EYS: variants seen among roughly 807,000 people sequenced by gnomAD.
EYS encodes protein eyes shut homolog.
A neutral mutation model predicts 282.1 loss-of-function variants in EYS; 250 were observed. That is an observed-to-expected ratio of 0.89 (90% CI 0.80 to 0.98). The LOEUF (loss-of-function observed/expected upper bound fraction) is 0.98. Among genes scored for constraint, EYS ranks in the 50% least tolerant of loss-of-function variants. The pLI is 0.00. For missense variants in EYS, 4,016 were observed against 3,709.0 expected (o/e 1.08, Z -2.15); for synonymous variants, 1,355 against 1,282.9 (o/e 1.06, Z -1.20).
chr6:64,655,176 C>T lies in EYS; in HGVS notation c.3444-28931G>A, dbSNP rs184755831. Among the ~76,000 whole-genome samples, 444 of 152,300 alleles carry T rather than the reference C, an allele frequency of 2.9e-3. 6 individuals are homozygous for T. The highest frequency in any genetic ancestry group is 0.027 in the Admixed American group (405 of 15,276). The stretch of plus-strand genomic sequence containing the variant: ...ATCAAGGACAGCTATAAAATTCAAA[C>T]ATCTTTAGACCTGCCAGAAATTTTT... On this transcript the variant is annotated intron_variant, in intron 22 of 42. Transcript: ENST00000503581.
chr6:64,663,879 G>T (rs1769133944), intron 22 of EYS, among the ~76,000 whole-genome samples: 1 of 152,096 alleles, frequency 6.6e-6, no homozygotes, highest in Non-Finnish European at 1.5e-5. Context: ...AGAAGCCCTG[G>T]GTCACGGAAG....
chr6:65,241,799 A>G lies in EYS; in HGVS notation c.2023+54064T>C, dbSNP rs138515524. On this transcript the variant is annotated intron_variant, in intron 12 of 42. Transcript: ENST00000503581. Reference sequence around the variant, plus strand: ...TGCTTGGACAGAGAAAGAGTAAATCAGGTGTTAGCTTGTACTTTAGGGATT... The same window carrying G: ...TGCTTGGACAGAGAAAGAGTAAATCGGGTGTTAGCTTGTACTTTAGGGATT... 9.3e-4 allele frequency among the ~76,000 whole-genome samples: 142 copies of G among 152,218 alleles called. 1 individual carries two copies. The highest frequency in any genetic ancestry group is 3.2e-3 in the African/African-American group (135 of 41,574).
chr6:64,523,308 T>A (rs186634759), intron 26 of EYS, among the ~76,000 whole-genome samples: 2 of 151,916 alleles, frequency 1.3e-5, no homozygotes, highest in Admixed American at 1.3e-4. Flanking sequence ...TTCTTCACAC[T>A]TTTTACCTGA....
intron 22 of EYS, among the ~76,000 whole-genome samples, chr6:64,770,529 T>C (rs1347798071): frequency 6.6e-6 from 1 of 151,916 alleles, no homozygotes; most frequent in Non-Finnish European, 1.5e-5. Flanking sequence ...TTAATAGAAA[T>C]TGTAGACATA....
At chr6:64,134,461 TA>T (rs1774093923) in intron 31 of EYS, among the ~76,000 whole-genome samples, 2 of 152,186 alleles carry the variant, frequency 1.3e-5, no homozygotes, top group South Asian at 4.1e-4. Context: ...AGTGAAAATA[TA>T]TACCCAGATT....
chr6:64,674,869 A>G (rs9360024), intron 22 of EYS, among the ~76,000 whole-genome samples: 3,146 of 152,172 alleles, frequency 0.021, 74 homozygotes, highest in East Asian at 0.11. Context: ...AAAAAAAATC[A>G]AAGTTTTAAC....
chr6:64,425,436 C>T (rs1173517446), intron 28 of EYS, among the ~76,000 whole-genome samples: 3 of 152,046 alleles, frequency 2.0e-5, no homozygotes, highest in African/African-American at 7.2e-5. Context: ...GGGAGGATCA[C>T]CCAAGGTCAA....
chr6:64,343,026 C>A (rs1179547169), intron 29 of EYS, among the ~76,000 whole-genome samples: 1 of 152,030 alleles, frequency 6.6e-6, no homozygotes, highest in Non-Finnish European at 1.5e-5. Context: ...TATATATGCA[C>A]CCAATACAGG....
At chr6:65,438,180 A>G (rs972311989) in intron 5 of EYS, among the ~76,000 whole-genome samples, 5 of 152,082 alleles carry the variant, frequency 3.3e-5, no homozygotes, top group African/African-American at 1.2e-4. Flanking sequence ...TACAAAGGAC[A>G]TGAACTCATC....
At chr6:64,994,790 T>C (rs1287581382) in intron 14 of EYS, among the ~76,000 whole-genome samples, 1 of 152,172 alleles carries the variant, frequency 6.6e-6, no homozygotes, top group Non-Finnish European at 1.5e-5. Context: ...TTTTGTTTTA[T>C]TATTATAGAA....
rs142462441 is a variant in EYS at position 64,234,482 on chromosome 6, T to C, written c.6192-3658A>G. 3.3e-5 allele frequency among the ~76,000 whole-genome samples: 5 copies of C among 152,346 alleles called. No homozygotes were observed. The East Asian group carries it at 9.6e-4, about 29-fold the overall frequency. Reference sequence around the variant, plus strand: ...ATGGATTCTATCAGTTTGTAACTGATATATTTAAGTTGTTTTAAGTTTTTT... The same window carrying C: ...ATGGATTCTATCAGTTTGTAACTGACATATTTAAGTTGTTTTAAGTTTTTT... On this transcript the variant is annotated intron_variant, in intron 30 of 42. Coordinates refer to ENST00000503581, the MANE Select transcript of EYS (RefSeq NM_001142800.2).
At chr6:63,998,903 T>C (rs867918403) in intron 34 of EYS, among the ~76,000 whole-genome samples, 172 bp downstream of exon 34, 13 of 152,114 alleles carry the variant, frequency 8.5e-5, no homozygotes, top group African/African-American at 2.4e-4. Context: ...CAACATTAAA[T>C]ATATTTAATC....
intron 22 of EYS, among the ~76,000 whole-genome samples, chr6:64,659,532 A>T (rs1768907927): frequency 6.6e-6 from 1 of 152,098 alleles, no homozygotes. Flanking sequence ...AAATAGATGC[A>T]ATAAAAAATG....
chr6:65,289,671 G>T (rs1164674728), intron 12 of EYS, among the ~76,000 whole-genome samples: 2 of 151,044 alleles, frequency 1.3e-5, no homozygotes, highest in Non-Finnish European at 3.0e-5. Context: ...TGAGTCATAG[G>T]AATCCAACAT....
At chr6:65,155,808 T>C (rs374990129) in intron 12 of EYS, among the ~76,000 whole-genome samples, 2 of 151,476 alleles carry the variant, frequency 1.3e-5, no homozygotes, top group East Asian at 3.9e-4. Context: ...TTTGGAGACA[T>C]GTTAGCAGTT....
chr6:64,567,921 C>G (rs1266133793), intron 26 of EYS, among the ~76,000 whole-genome samples: 1 of 152,172 alleles, frequency 6.6e-6, no homozygotes, highest in Non-Finnish European at 1.5e-5. Context: ...CTAGAAATGA[C>G]AGTGAACTCT....
At chr6:63,824,707 G>A (rs545459455) in intron 36 of EYS, among the ~76,000 whole-genome samples, 9 of 152,230 alleles carry the variant, frequency 5.9e-5, no homozygotes, top group South Asian at 2.1e-4. Context: ...TTAGAGAGCC[G>A]AGCCAAGTGA....
chr6:64,287,363 T>C (rs979255091), intron 30 of EYS, among the ~76,000 whole-genome samples: 1 of 152,190 alleles, frequency 6.6e-6, no homozygotes, highest in African/African-American at 2.4e-5. Flanking sequence ...ATGCTATTTT[T>C]AATGCTTGGG....
chr6:64,161,457 T>A (rs926596653), intron 31 of EYS, among the ~76,000 whole-genome samples: 2 of 152,188 alleles, frequency 1.3e-5, no homozygotes, highest in Non-Finnish European at 1.5e-5. Flanking sequence ...GTGGTATATC[T>A]TGGGGATAAT....
Sources: allele counts gnomAD v4.1 joint callset (sites outside exome capture counted in the v4.1 genomes callset), GRCh38; gene constraint gnomAD v4.1.1; transcripts MANE v1.5; gene names NCBI Gene and HGNC (gene_info 2026-07-23, HGNC 2026-07-21).